RALYL: variants seen among roughly 807,000 people sequenced by gnomAD.
The protein encoded by RALYL is RALY RNA binding protein like.
RALYL carries 29 observed loss-of-function variants against 35.1 expected under a neutral mutation model. The observed-to-expected ratio is 0.83, with a 90% CI of 0.61 to 1.13. The LOEUF is 1.13. Among genes scored for constraint, RALYL ranks in the 50% most tolerant of loss-of-function variants. The probability of loss-of-function intolerance (pLI) is 0.00; values close to 1 mark genes in which losing one functional copy is unlikely to be tolerated. For missense variants in RALYL, 359 were observed against 360.4 expected, an observed-to-expected ratio of 1.00 and a Z score of 0.03; for synonymous variants, 120 against 127.6, an observed-to-expected ratio of 0.94 and a Z score of 0.40.
chr8:84,337,373 G>T (rs1847992227), intron 1 of RALYL, among the ~76,000 whole-genome samples: 1 of 151,130 alleles, frequency 6.6e-6, no homozygotes, highest in Admixed American at 6.6e-5. Context: ...TTTTAATAGA[G>T]ATACTGAATG....
chr8:84,907,698 T>C (rs1177316678), intron 8 of RALYL, among the ~76,000 whole-genome samples: 4 of 152,126 alleles, frequency 2.6e-5, no homozygotes, highest in Non-Finnish European at 2.9e-5. Flanking sequence ...GCCAAATCTA[T>C]GCATCAGTGG....
chr8:84,773,262 T>G (rs1815991781), intron 2 of RALYL, among the ~76,000 whole-genome samples: 2 of 152,234 alleles, frequency 1.3e-5, no homozygotes, highest in Non-Finnish European at 2.9e-5. Context: ...CTTGCTAGTT[T>G]TATGTTGCAT....
At chr8:84,504,114 T>C (rs1374267664) in intron 1 of RALYL, among the ~76,000 whole-genome samples, 2 of 151,772 alleles carry the variant, frequency 1.3e-5, no homozygotes, top group African/African-American at 4.8e-5. Context: ...ATAGTTACTA[T>C]AAAGAACAAC....
intron 4 of RALYL, among the ~76,000 whole-genome samples, chr8:84,812,704 G>T (rs537398914): frequency 1.3e-4 from 20 of 152,176 alleles, no homozygotes; most frequent in African/African-American, 4.8e-4. Context: ...GAGAAAACTG[G>T]CAGTCACAGG....
rs547267749 is a variant in RALYL at position 84,573,167 on chromosome 8, T to C, written c.256+43590T>C. ...TTGTCTTTTAAATAAATTTAAAAAA[T>C]TTTTTATTCATATATTTATAATTTC... On this transcript the variant is annotated intron_variant, in intron 2 of 8. Coordinates refer to ENST00000521268, the MANE Select transcript of RALYL (RefSeq NM_173848.7). Among the ~76,000 whole-genome samples the C allele has an allele frequency of 9.9e-5, 15 of 151,424 alleles. No individual in the cohort carries two copies. In the East Asian group the frequency reaches 2.7e-3, roughly 27 times the overall value.
At chr8:84,844,865 A>G (rs532423232) in intron 4 of RALYL, among the ~76,000 whole-genome samples, 2 of 152,278 alleles carry the variant, frequency 1.3e-5, no homozygotes, top group African/African-American at 4.8e-5. Flanking sequence ...AACTATGGCA[A>G]GGACAAAAAA....
Position 84,514,090 on chromosome 8 carries a change from TAAAAAAAAAAAA to T in RALYL, c.-23-15195_-23-15184del, listed in dbSNP as rs57881021. Among the ~76,000 whole-genome samples the T allele has an allele frequency of 3.9e-4, 16 of 41,176 alleles. 1 individual carries two copies. Among genetic ancestry groups the T allele is most frequent in the Admixed American group, 3.4e-3 (11 of 3,202 alleles). The allele number at this position is 41,176 out of a possible 152,430, so 27.0% of individuals were successfully genotyped here. A position where few individuals can be genotyped will look rare whatever the true frequency, so the allele number is the denominator to read the frequency against. The stretch of plus-strand genomic sequence containing the variant: ...GCCTGGGTGACAGTGAGATTTCATC[TAAAAAAAAAAAA>T]AAAAAAAAAAAAAGAAAGAAAGAAA... On this transcript the variant is annotated intron_variant, in intron 1 of 8. Coordinates refer to ENST00000521268, the MANE Select transcript of RALYL (RefSeq NM_173848.7).
chr8:84,362,040 A>AT (rs778880142), intron 1 of RALYL, among the ~76,000 whole-genome samples: 120 of 152,224 alleles, frequency 7.9e-4, no homozygotes, highest in Non-Finnish European at 1.4e-3. Context: ...ACTGTACCTG[A>AT]TATGCAGTAG....
At chr8:84,417,116 A>C (rs972073705) in intron 1 of RALYL, among the ~76,000 whole-genome samples, 5 of 149,620 alleles carry the variant, frequency 3.3e-5, no homozygotes, top group African/African-American at 1.3e-4. Flanking sequence ...ATTAGAACAA[A>C]AAAAAAAAAA....
In RALYL at chr8:84,920,908, G is replaced by C; in HGVS notation, c.873G>C (p.Lys291Asn). 2 of 1,437,508 alleles carry C rather than the reference G, an allele frequency of 1.4e-6. No individual in the cohort carries two copies. Among genetic ancestry groups the C allele is most frequent in the South Asian group, 2.9e-5 (2 of 69,954 alleles). The allele number at this position is 1,437,508 out of a possible 1,614,324, so 89.0% of individuals were successfully genotyped here. The stretch of plus-strand genomic sequence containing the variant: ...TATTTTCTCAGTTTCTACAGATAAA[G>C]TGATCTGAAATAACGCATGATGCCA... Reference protein sequence around the residue: ...DGGHELFLQIK With the variant: ...DGGHELFLQIN Residue 291 changes from lysine to asparagine, a missense_variant, in exon 9 of 9, where the codon AAG becomes AAC. Lys to Asn is a moderately conservative substitution (Grantham distance 94). Transcript: ENST00000521268.
chr8:84,877,317 T>C (rs1007331834), intron 7 of RALYL, among the ~76,000 whole-genome samples: 1 of 151,998 alleles, frequency 6.6e-6, no homozygotes, highest in Non-Finnish European at 1.5e-5. Context: ...TGAAACCCTG[T>C]CTCTACGAAA....
intron 1 of RALYL, among the ~76,000 whole-genome samples, chr8:84,476,322 A>C (rs1276570662): frequency 6.6e-6 from 1 of 152,166 alleles, no homozygotes; most frequent in Non-Finnish European, 1.5e-5. Context: ...TATATTCCAC[A>C]GACAGTACAT....
chr8:84,432,835 G>C (rs956997948), intron 1 of RALYL, among the ~76,000 whole-genome samples: 1 of 151,976 alleles, frequency 6.6e-6, no homozygotes, highest in African/African-American at 2.4e-5. Context: ...GGCAAGAAAG[G>C]TTCCTACCCA....
intron 2 of RALYL, among the ~76,000 whole-genome samples, chr8:84,632,711 CTATT>C (rs1824192014): frequency 6.6e-6 from 1 of 151,832 alleles, no homozygotes; most frequent in African/African-American, 2.4e-5. Context: ...CTAAATTCTA[CTATT>C]TTGTAAAGTA....
chr8:84,891,369 T>C lies in RALYL; in HGVS notation c.858+3593T>C, dbSNP rs376527633. On this transcript the variant is annotated intron_variant, in intron 8 of 8. Transcript: ENST00000521268. The stretch of plus-strand genomic sequence containing the variant: ...CTCTTGACTTTCTTTTTTTACAAAA[T>C]AGGCAAGATCAGAAATTTCAAAAAC... Among the ~76,000 whole-genome samples the C allele has an allele frequency of 4.6e-5, 7 of 152,276 alleles. 1 individual carries two copies. The East Asian group carries it at 1.2e-3, about 25-fold the overall frequency.
At chr8:84,837,276 T>C (rs1832217405) in intron 4 of RALYL, among the ~76,000 whole-genome samples, 1 of 152,208 alleles carries the variant, frequency 6.6e-6, no homozygotes, top group Non-Finnish European at 1.5e-5. Flanking sequence ...ACTCCTAGTA[T>C]TGCACCTGAC....
intron 1 of RALYL, among the ~76,000 whole-genome samples, chr8:84,221,187 G>A (rs948383489): frequency 2.6e-5 from 4 of 151,958 alleles, no homozygotes; most frequent in South Asian, 2.1e-4. Context: ...ATTACAGTCC[G>A]ATAGAGAATA....
chr8:84,351,065 T>C (rs1239519433), intron 1 of RALYL, among the ~76,000 whole-genome samples: 1 of 150,014 alleles, frequency 6.7e-6, no homozygotes, highest in East Asian at 1.9e-4. Context: ...ATGAATAATT[T>C]ATTCCTGTTT....
intron 3 of RALYL, among the ~76,000 whole-genome samples, chr8:84,775,087 T>A (rs1462670631): frequency 6.6e-6 from 1 of 152,080 alleles, no homozygotes; most frequent in African/African-American, 2.4e-5. Context: ...GAAGCTGGGA[T>A]TGCAGGTGCC....
Sources: allele counts gnomAD v4.1 joint callset (sites outside exome capture counted in the v4.1 genomes callset), GRCh38; gene constraint gnomAD v4.1.1; transcripts MANE v1.5; gene names NCBI Gene and HGNC (gene_info 2026-07-23, HGNC 2026-07-21).